The following DAB1 variants were observed in gnomAD, a reference collection of about 807,000 sequenced individuals.
The protein encoded by DAB1 is disabled homolog 1.
Under a neutral mutation model 64.6 loss-of-function variants are expected in DAB1, and 15 were observed. That is an observed-to-expected ratio of 0.23 (90% CI 0.16 to 0.36). DAB1 has a LOEUF of 0.36. Among genes scored for constraint, DAB1 ranks in the 10% least tolerant of loss-of-function variants. DAB1 has a pLI of 1.00. For synonymous variants in DAB1, 235 were observed against 251.9 expected, an observed-to-expected ratio of 0.93 and a Z score of 0.64; for missense variants, 596 against 706.7, an observed-to-expected ratio of 0.84 and a Z score of 1.78.
intron 3 of DAB1, among the ~76,000 whole-genome samples, chr1:58,412,873 G>T (rs960924773): frequency 2.0e-5 from 3 of 152,118 alleles, no homozygotes; most frequent in Non-Finnish European, 4.4e-5. Context: ...ATAAAACAGG[G>T]ATAATATTTG....
chr1:58,328,626 G>C (rs1022173779), intron 4 of DAB1, among the ~76,000 whole-genome samples: 2 of 152,078 alleles, frequency 1.3e-5, no homozygotes, highest in Non-Finnish European at 2.9e-5. Flanking sequence ...TTTTTTTCAA[G>C]ATGGAGTCTT....
At chr1:58,475,477 A>AACACACACACAC (rs112408529) in intron 3 of DAB1, among the ~76,000 whole-genome samples, 3 of 148,132 alleles carry the variant, frequency 2.0e-5, no homozygotes, top group African/African-American at 5.0e-5. Flanking sequence ...AGGTTAATTA[A>AACACACACACAC]ACACACACAC....
intron 1 of DAB1, among the ~76,000 whole-genome samples, chr1:57,320,213 C>T (rs888899900): frequency 3.9e-5 from 6 of 152,102 alleles, no homozygotes. Flanking sequence ...TGCCTGCTTC[C>T]CCTTTGCCTT....
intron 5 of DAB1, among the ~76,000 whole-genome samples, chr1:58,030,282 T>G (rs1338749597): frequency 2.0e-5 from 3 of 152,180 alleles, no homozygotes; most frequent in Non-Finnish European, 2.9e-5. Flanking sequence ...ACAAAAATAC[T>G]GAAAAGAAAT....
At chr1:57,713,516 G>T (rs1647050228) in intron 6 of DAB1, among the ~76,000 whole-genome samples, 1 of 152,144 alleles carries the variant, frequency 6.6e-6, no homozygotes, top group Non-Finnish European at 1.5e-5. Context: ...GGAAGATGGT[G>T]GAGTGCATGG....
chr1:57,808,197 GCACACACACA>G (rs3081057), intron 6 of DAB1, among the ~76,000 whole-genome samples: 18 of 148,292 alleles, frequency 1.2e-4, no homozygotes, highest in African/African-American at 4.0e-4. Context: ...ACATGCACAT[GCACACACACA>G]CACACACACA....
chr1:57,606,486 CATATGAAATATATAATATATAATATAAT>C (rs1380445843), intron 7 of DAB1, among the ~76,000 whole-genome samples: 1 of 71,500 alleles, frequency 1.4e-5, no homozygotes, highest in African/African-American at 6.9e-5. Context: ...ATATATAATA[CATATGAAATATATAATATATAATATAAT>C]ATATATAATA....
intron 6 of DAB1, among the ~76,000 whole-genome samples, chr1:57,776,964 T>A (rs1043713340): frequency 1.3e-5 from 2 of 151,888 alleles, no homozygotes; most frequent in East Asian, 3.9e-4. Flanking sequence ...ATCTGAAAAA[T>A]TTCATTTAAT....
intron 1 of DAB1, among the ~76,000 whole-genome samples, chr1:57,871,130 C>A (rs1643942570): frequency 6.6e-6 from 1 of 152,134 alleles, no homozygotes; most frequent in African/African-American, 2.4e-5. Context: ...CACCCTCCTC[C>A]TCCTCATCAC....
At chr1:57,549,739 G>A (rs569718673) in intron 7 of DAB1, among the ~76,000 whole-genome samples, 1 of 152,304 alleles carries the variant, frequency 6.6e-6, no homozygotes, top group African/African-American at 2.4e-5. Flanking sequence ...GCATGAATGA[G>A]AGCAAGAACA....
At chr1:58,332,282 C>A (rs1294723445) in intron 4 of DAB1, among the ~76,000 whole-genome samples, 1 of 152,108 alleles carries the variant, frequency 6.6e-6, no homozygotes. Flanking sequence ...TCCTTGTTCC[C>A]ATCTTGCTTC....
Position 58,502,967 on chromosome 1 carries a change from T to C in DAB1, n.257+3093A>G, listed in dbSNP as rs565646892. On this transcript the variant is annotated intron_variant and non_coding_transcript_variant, in intron 3 of 20. Transcript: ENST00000485760. ...TTTGTCTTCATCATTTGCTCCCAAA[T>C]AAAATTTGTTTCTCTAGCCATTTTT... Among the ~76,000 whole-genome samples, 5 of 152,308 alleles carry C rather than the reference T, an allele frequency of 3.3e-5. No homozygotes were observed. The East Asian group carries it at 9.7e-4, about 29-fold the overall frequency.
chr1:57,123,803 G>A (rs568577002), intron 4 of DAB1, among the ~76,000 whole-genome samples: 17 of 152,044 alleles, frequency 1.1e-4, no homozygotes, highest in Middle Eastern at 6.3e-3. Context: ...ACAAAGCAGC[G>A]TGTATAGTTT....
At chr1:57,030,171 T>TG (rs1646923762) in intron 9 of DAB1, among the ~76,000 whole-genome samples, 1 of 152,180 alleles carries the variant, frequency 6.6e-6, no homozygotes, top group African/African-American at 2.4e-5. Flanking sequence ...TGAGATCTGA[T>TG]GGGTTTATCA....
At chr1:57,293,907 T>C (rs1346123127) in intron 1 of DAB1, among the ~76,000 whole-genome samples, 1 of 152,210 alleles carries the variant, frequency 6.6e-6, no homozygotes, top group Non-Finnish European at 1.5e-5. Context: ...TGTTCAAGTG[T>C]TACAAGCATT....
intron 7 of DAB1, among the ~76,000 whole-genome samples, chr1:57,540,444 C>T (rs1419876932): frequency 2.6e-5 from 4 of 152,136 alleles, no homozygotes; most frequent in Admixed American, 1.3e-4. Flanking sequence ...TCCCATGACT[C>T]GTATTTATCC....
At chr1:57,331,002 T>C (rs1429642224) in intron 1 of DAB1, among the ~76,000 whole-genome samples, 4 of 152,192 alleles carry the variant, frequency 2.6e-5, no homozygotes, top group Non-Finnish European at 5.9e-5. Flanking sequence ...CACCCTTGCC[T>C]ATCTCTTCCA....
At chr1:57,756,741 T>G (rs1648828474) in intron 6 of DAB1, among the ~76,000 whole-genome samples, 1 of 151,852 alleles carries the variant, frequency 6.6e-6, no homozygotes, top group Non-Finnish European at 1.5e-5. Flanking sequence ...AAAGTTGAAG[T>G]CCAGAAAGGA....
At chr1:57,372,903 A>G (rs1378032046) in intron 1 of DAB1, among the ~76,000 whole-genome samples, 1 of 152,148 alleles carries the variant, frequency 6.6e-6, no homozygotes, top group East Asian at 1.9e-4. Context: ...AAGTCTGAGC[A>G]TGGTGGCTCA....
Sources: gnomAD v4.1 joint callset for allele counts (sites outside exome capture counted in the v4.1 genomes callset) on GRCh38, gnomAD v4.1.1 for gene constraint, MANE v1.5 for transcripts, NCBI Gene and HGNC (gene_info 2026-07-23, HGNC 2026-07-21) for gene names.